Variants in LDLRAD4 observed in about 807,000 individuals in gnomAD.
The protein encoded by LDLRAD4 is low-density lipoprotein receptor class A domain-containing protein 4.
Under a neutral mutation model 17.0 loss-of-function variants are expected in LDLRAD4, and 5 were observed. The ratio of observed to expected loss-of-function variants is 0.29; its 90% CI spans 0.15 to 0.62. The LOEUF (loss-of-function observed/expected upper bound fraction) is 0.62. LDLRAD4 is among the 20% of genes least tolerant of loss of function. LDLRAD4 has a pLI of 0.84. For synonymous variants in LDLRAD4, 168 were observed against 171.8 expected, an observed-to-expected ratio of 0.98 and a Z score of 0.17; for missense variants, 340 against 424.7, an observed-to-expected ratio of 0.80 and a Z score of 1.75.
chr18:13,355,873 C>T (rs943641135), intron 1 of LDLRAD4, among the ~76,000 whole-genome samples: 45 of 152,166 alleles, frequency 3.0e-4, no homozygotes, highest in Non-Finnish European at 2.5e-4. Flanking sequence ...TCAAGTGATC[C>T]TCCCACCCTG....
At chr18:13,616,785 C>T (rs867315570) in intron 3 of LDLRAD4, among the ~76,000 whole-genome samples, 19 of 152,180 alleles carry the variant, frequency 1.2e-4, no homozygotes, top group African/African-American at 4.3e-4. Context: ...ATCAGGCTGC[C>T]GCCACCCCAG....
chr18:13,571,737 C>T (rs185766502), intron 3 of LDLRAD4, among the ~76,000 whole-genome samples: 57 of 152,218 alleles, frequency 3.7e-4, no homozygotes, highest in African/African-American at 1.1e-3. Flanking sequence ...CCCGGGTTCA[C>T]GTCATTCTCC....
At chr18:13,475,580 C>T (rs542762889) in intron 3 of LDLRAD4, among the ~76,000 whole-genome samples, 4 of 152,226 alleles carry the variant, frequency 2.6e-5, no homozygotes, top group East Asian at 1.9e-4. Context: ...TCAATTAATG[C>T]AGTGTGTTTT....
At chr18:13,493,781 G>A (rs1203974467) in intron 3 of LDLRAD4, among the ~76,000 whole-genome samples, 2 of 152,156 alleles carry the variant, frequency 1.3e-5, no homozygotes, top group Non-Finnish European at 2.9e-5. Context: ...TGGGAAGAGG[G>A]GCACAGAACA....
rs2092494210 is a variant in LDLRAD4 at position 13,463,177 on chromosome 18, G to GGT, written c.181+24797_181+24798dup. 2.0e-5 allele frequency among the ~76,000 whole-genome samples: 3 copies of GGT among 152,304 alleles called. No homozygotes were observed. The South Asian group carries it at 6.2e-4, about 32-fold the overall frequency. On this transcript the variant is annotated intron_variant, in intron 3 of 5. Coordinates refer to ENST00000359446, the Ensembl canonical transcript of LDLRAD4. ...ACCTAGGGAATGGGAGCTCTTCCTG[G>GGT]GTGTGGCCATGTCCCCCCTGGACTC...
intron 3 of LDLRAD4, among the ~76,000 whole-genome samples, chr18:13,581,064 C>T (rs1568365603): frequency 6.6e-6 from 1 of 152,158 alleles, no homozygotes; most frequent in Non-Finnish European, 1.5e-5. Flanking sequence ...AATGAGATAT[C>T]TCGGGGATGG....
At chr18:13,416,473 C>T (rs1157365242) in intron 2 of LDLRAD4, among the ~76,000 whole-genome samples, 1 of 152,166 alleles carries the variant, frequency 6.6e-6, no homozygotes, top group African/African-American at 2.4e-5. Flanking sequence ...GGCATGTGAG[C>T]AGGGCTCGGG....
chr18:13,333,428 G>A (rs1336073677), intron 1 of LDLRAD4, among the ~76,000 whole-genome samples: 1 of 152,082 alleles, frequency 6.6e-6, no homozygotes, highest in Non-Finnish European at 1.5e-5. Context: ...ATGAAGTCTA[G>A]GTTATCAATT....
At position 13,376,835 on chromosome 18, in the gene LDLRAD4, C is replaced by T. The variant is rs552482741; in HGVS notation, c.-382-10506C>T. Among the ~76,000 whole-genome samples, 8 of 152,308 alleles carry T rather than the reference C, an allele frequency of 5.3e-5. No individual in the cohort carries two copies. The East Asian group carries it at 5.8e-4, about 11-fold the overall frequency. Reference sequence around the variant, plus strand: ...CTTGCTTTTCCTGTGTGAGAGCACACGCACGGGCCTTCGTTACCAAGGCAG... The same window carrying T: ...CTTGCTTTTCCTGTGTGAGAGCACATGCACGGGCCTTCGTTACCAAGGCAG... On this transcript the variant is annotated intron_variant, in intron 1 of 5. Transcript: ENST00000359446.
intron 1 of LDLRAD4, among the ~76,000 whole-genome samples, chr18:13,323,370 G>A (rs868083422): frequency 8.5e-5 from 13 of 152,348 alleles, no homozygotes; most frequent in African/African-American, 2.6e-4. Flanking sequence ...GTGAGCTCTC[G>A]TGCTGTGAAA....
chr18:13,265,964 G>T (rs918074335), intron 1 of LDLRAD4, among the ~76,000 whole-genome samples: 1 of 152,096 alleles, frequency 6.6e-6, no homozygotes, highest in Admixed American at 6.5e-5. Flanking sequence ...GGATCTGCTC[G>T]ATCTAGGTTT....
upstream of LDLRAD4, among the ~76,000 whole-genome samples, chr18:13,276,446 G>A (rs1481362902): frequency 1.3e-5 from 2 of 152,054 alleles, no homozygotes; most frequent in African/African-American, 4.8e-5. Context: ...TGGTTCTCTG[G>A]TCAGGCTGTA....
chr18:13,251,040 G>C (rs2043201165), intron 1 of LDLRAD4, among the ~76,000 whole-genome samples: 1 of 152,184 alleles, frequency 6.6e-6, no homozygotes, highest in Admixed American at 6.5e-5. Flanking sequence ...GATTGAATGG[G>C]ATTCATCCCA....
chr18:13,498,268 T>C (rs1371408207), intron 3 of LDLRAD4, among the ~76,000 whole-genome samples: 41 of 96,972 alleles, frequency 4.2e-4, no homozygotes, highest in East Asian at 1.9e-3. Context: ...GAGAATCCTT[T>C]TCCACACACA....
chr18:13,330,550 C>T (rs1023772280), intron 1 of LDLRAD4, among the ~76,000 whole-genome samples: 4 of 152,118 alleles, frequency 2.6e-5, no homozygotes, highest in Non-Finnish European at 5.9e-5. Flanking sequence ...TTTATTGCTA[C>T]CGTAAATAGG....
At chr18:13,520,961 A>G (rs967404992) in intron 3 of LDLRAD4, 1 of 152,166 alleles carries the variant, frequency 6.6e-6, no homozygotes, top group Admixed American at 6.5e-5. Flanking sequence ...CACCCTCGGC[A>G]CCTCTTGGAC....
intron 3 of LDLRAD4, among the ~76,000 whole-genome samples, chr18:13,527,130 A>G (rs1190811352): frequency 6.6e-6 from 1 of 152,262 alleles, no homozygotes; most frequent in Non-Finnish European, 1.5e-5. Flanking sequence ...CCTGTAAGAC[A>G]CCATTAAGTT....
At chr18:13,576,461 TAAAG>T (rs2094775272) in intron 3 of LDLRAD4, among the ~76,000 whole-genome samples, 1 of 87,646 alleles carries the variant, frequency 1.1e-5, no homozygotes. Context: ...AAGAAAGAAA[TAAAG>T]TGGATTCCTC....
intron 1 of LDLRAD4, among the ~76,000 whole-genome samples, chr18:13,323,082 C>T (rs961344458): frequency 6.6e-6 from 1 of 152,214 alleles, no homozygotes; most frequent in Admixed American, 6.5e-5. Context: ...GAAGCTTGCT[C>T]AGGGAGAAGC....
Sources: allele counts gnomAD v4.1 joint callset (sites outside exome capture counted in the v4.1 genomes callset), GRCh38; gene constraint gnomAD v4.1.1; transcripts MANE v1.5; gene names NCBI Gene and HGNC (gene_info 2026-07-23, HGNC 2026-07-21).